C18orf54: variants seen among roughly 807,000 people sequenced by gnomAD.
The protein encoded by C18orf54 is lung adenoma susceptibility protein 2.
C18orf54 carries 49 observed loss-of-function variants against 49.3 expected under a neutral mutation model. The observed-to-expected ratio is 0.99, with a 90% CI of 0.79 to 1.26. C18orf54 has a LOEUF of 1.26. Among genes scored for constraint, C18orf54 ranks in the 50% most tolerant of loss-of-function variants. The probability of loss-of-function intolerance (pLI) is 0.00; values close to 1 mark genes in which losing one functional copy is unlikely to be tolerated. For synonymous variants in C18orf54, 211 were observed against 216.6 expected (o/e 0.97, Z 0.23); for missense variants, 687 against 620.6 (o/e 1.11, Z -1.14).
At position 54,378,286 on chromosome 18, in the gene C18orf54, C is replaced by A; in HGVS notation, c.*40C>A. 1.3e-6 allele frequency: 2 copies of A among 1,539,098 alleles called. No individual in the cohort carries two copies. Among genetic ancestry groups the A allele is most frequent in the Non-Finnish European group, 9.0e-7 (1 of 1,114,994 alleles). ...CTGTCACCACAATGAATAGTCACCA[C>A]AGAACAAATAGGCATTTTTTCTATT... is the stretch of plus-strand genomic sequence containing the variant. On this transcript the variant is annotated 3_prime_UTR_variant, in exon 9 of 9. Coordinates refer to ENST00000620105, the MANE Select transcript of C18orf54 (RefSeq NM_001288980.2).
In C18orf54 at chr18:54,372,536, A is replaced by C; in HGVS notation, c.1397A>C (p.Gln466Pro). Residue 466 changes from glutamine to proline, a missense_variant, in exon 7 of 9, where the codon CAA becomes CCA. Physicochemically the swap from Gln to Pro is moderately conservative, Grantham distance 76 (BLOSUM62 -1). Transcript: ENST00000620105. Reference protein sequence around the residue: ...EALKQMLFNLQAVQERFNQNK... With the variant: ...EALKQMLFNLPAVQERFNQNK... ...CTGAAACAAATGTTATTTAACCTTC[A>C]AGCAGTACAAGAACGTTTTAATCAA... 6.2e-6 allele frequency: 10 copies of C among 1,611,396 alleles called. No homozygotes were observed. The highest frequency in any genetic ancestry group is 8.5e-6 in the Non-Finnish European group (10 of 1,178,136).
rs1466654172 is a variant in C18orf54, at chr18:54,374,121, A to G, written c.1459-93A>G. 5.7e-6 allele frequency: 6 copies of G among 1,044,886 alleles called. No homozygotes were observed. In the Admixed American group the frequency reaches 9.9e-5, roughly 17 times the overall value. 64.7% of individuals were successfully genotyped at this position (1,044,886 alleles called of 1,614,324 possible). On this transcript the variant is annotated intron_variant, in intron 7 of 8. Coordinates refer to ENST00000620105, the MANE Select transcript of C18orf54 (RefSeq NM_001288980.2). ...AGAATTGTTTGGAAATGTAGAAAATATTTTTTAATGTTTTAATCACATTTT... is the reference window on the plus strand; with the variant it reads ...AGAATTGTTTGGAAATGTAGAAAATGTTTTTTAATGTTTTAATCACATTTT...
intron 3 of C18orf54, among the ~76,000 whole-genome samples, chr18:54,361,313 T>C (rs1460815495): frequency 6.6e-6 from 1 of 152,216 alleles, no homozygotes; most frequent in Non-Finnish European, 1.5e-5. Context: ...TTTTCTATGC[T>C]GCAACCAATA....
Position 54,361,778 on chromosome 18 carries a change from C to T in C18orf54, c.419C>T (p.Thr140Ile), listed in dbSNP as rs774168794. Residue 140 changes from threonine to isoleucine, a missense_variant, in exon 4 of 9, where the codon ACT (threonine) becomes ATT (isoleucine). Physicochemically the swap from Thr to Ile is moderately conservative, Grantham distance 89. Transcript: ENST00000620105. Reference protein sequence around the residue: ...RLPADGSFSYTYVGPSHRTSK... With the variant: ...RLPADGSFSYIYVGPSHRTSK... ...CCAGCAGATGGATCATTTTCTTATA[C>T]TTATGTTGGACCGAGTCACCGAACG... The T allele has an allele frequency of 1.2e-6, 2 of 1,614,034 alleles. No individual in the cohort carries two copies. Among genetic ancestry groups the T allele is most frequent in the East Asian group, 2.2e-5 (1 of 44,876 alleles).
At chr18:54,370,512 G>A (rs1485142176) in intron 6 of C18orf54, among the ~76,000 whole-genome samples, 1 of 152,080 alleles carries the variant, frequency 6.6e-6, no homozygotes, top group African/African-American at 2.4e-5. Context: ...TATATATTGG[G>A]TTGTCCTCTT....
chr18:54,363,129 G>A (rs559270351), intron 5 of C18orf54, among the ~76,000 whole-genome samples: 3 of 152,190 alleles, frequency 2.0e-5, no homozygotes, highest in African/African-American at 4.8e-5. Flanking sequence ...TATAACATCT[G>A]TCTTTGTTAC....
Position 54,362,025 on chromosome 18 carries a change from A to G in C18orf54, c.666A>G (p.Lys222=). ...ISESSLSFPK[K]SSFKDSSEHS... is the part of the protein sequence containing the mutation. Reference sequence around the variant, plus strand: ...AATCATCTTTGTCTTTTCCCAAGAAATCGTCTTTCAAGGACAGTTCAGAAC... The same window carrying G: ...AATCATCTTTGTCTTTTCCCAAGAAGTCGTCTTTCAAGGACAGTTCAGAAC... Residue 222 remains lysine, a synonymous_variant, in exon 4 of 9, where the codon AAA becomes AAG. Transcript: ENST00000620105. 1 of 1,594,358 alleles carries G rather than the reference A, an allele frequency of 6.3e-7. No homozygotes were observed.
chr18:54,359,986 T>G (rs762372111), intron 2 of C18orf54, among the ~76,000 whole-genome samples: 96 of 152,220 alleles, frequency 6.3e-4, no homozygotes, highest in Non-Finnish European at 1.2e-3. Context: ...AGACCTGCAG[T>G]TTATTTACAG....
intron 1 of C18orf54, 92 bp downstream of exon 1, chr18:54,358,167 C>G (rs997655063): frequency 5.3e-5 from 8 of 152,240 alleles, no homozygotes; most frequent in Admixed American, 5.2e-4. Context: ...CGAGGGTTGT[C>G]CCATCCTGTG....
intron 6 of C18orf54, among the ~76,000 whole-genome samples, chr18:54,369,488 T>TTTG (rs1491008273): frequency 2.1e-5 from 1 of 48,254 alleles, no homozygotes; most frequent in Non-Finnish European, 4.1e-5. Flanking sequence ...TTTTTTTTTT[T>TTTG]GGAGACAGTC....
rs2089608935 is a variant in C18orf54, at chr18:54,378,226, G to A, written c.1582G>A (p.Glu528Lys). Residue 528 changes from glutamate (E) to lysine (K), a missense_variant, in exon 9 of 9, where the codon GAA (glutamate) becomes AAA (lysine). Coordinates refer to ENST00000620105, the MANE Select transcript of C18orf54 (RefSeq NM_001288980.2). ...LRDLVDDTNG[E>K]RSPKM is the part of the protein sequence containing the mutation. ...AGACCTGGTTGATGATACGAATGGA[G>A]AACGGTCACCGAAAATGTGAAGAGG... 6.2e-7 allele frequency: 1 copy of A among 1,613,414 alleles called. No homozygotes were observed. The highest frequency in any genetic ancestry group is 1.7e-5 in the Admixed American group (1 of 59,974).
chr18:54,370,125 A>G (rs1468411665), intron 6 of C18orf54, among the ~76,000 whole-genome samples: 4 of 152,090 alleles, frequency 2.6e-5, no homozygotes, highest in Non-Finnish European at 5.9e-5. Flanking sequence ...AAAATATAAA[A>G]AATGAGCCGG....
intron 6 of C18orf54, 24 bp downstream of exon 6, chr18:54,365,845 A>G (rs2089371549): frequency 2.1e-6 from 3 of 1,410,186 alleles, no homozygotes; most frequent in African/African-American, 1.4e-5. Context: ...AAAGTTTTAA[A>G]ACTTATTTAA....
chr18:54,370,082 C>T (rs555430154), intron 6 of C18orf54, among the ~76,000 whole-genome samples: 1 of 152,102 alleles, frequency 6.6e-6, no homozygotes, highest in South Asian at 2.1e-4. Context: ...CGAGACCATC[C>T]TGGCTAACAC....
intron 3 of C18orf54, 66 bp from the exon 4 acceptor site, chr18:54,361,577 C>G: frequency 7.5e-7 from 1 of 1,340,310 alleles, no homozygotes; most frequent in Non-Finnish European, 1.0e-6. Flanking sequence ...ATTCTTAATT[C>G]TCATTTACTG....
At chr18:54,363,785 T>C (rs532361585) in intron 5 of C18orf54, 4 of 150,344 alleles carry the variant, frequency 2.7e-5, no homozygotes, top group Admixed American at 6.7e-5. Context: ...CATTCTGTTA[T>C]AGACAGAGTC....
At position 54,364,798 on chromosome 18, in the gene C18orf54, A is replaced by G. The variant is rs117460350; in HGVS notation, c.1224-921A>G. 3.4e-3 allele frequency among the ~76,000 whole-genome samples: 510 copies of G among 152,186 alleles called. 2 individuals are homozygous for G. Among genetic ancestry groups the G allele is most frequent in the Non-Finnish European group, 6.5e-3 (444 of 67,904 alleles). On this transcript the variant is annotated intron_variant, in intron 5 of 8. Transcript: ENST00000620105. ...GGAAAGGACTACCTGATAGTATGAAAGAGCTTGTGAATTAGAAATCAAATA... is the reference window on the plus strand; with the variant it reads ...GGAAAGGACTACCTGATAGTATGAAGGAGCTTGTGAATTAGAAATCAAATA...
At chr18:54,372,151 TCATTTA>T (rs1488554749) in intron 6 of C18orf54, among the ~76,000 whole-genome samples, 39 of 152,040 alleles carry the variant, frequency 2.6e-4, no homozygotes, top group Admixed American at 9.8e-4. Flanking sequence ...ACCTTTCATT[TCATTTA>T]CAATTTGTGA....
chr18:54,362,005 T>G lies in C18orf54; in HGVS notation c.646T>G (p.Ser216Ala). 6.2e-7 allele frequency: 1 copy of G among 1,609,156 alleles called. No homozygotes were observed. Among genetic ancestry groups the G allele is most frequent in the South Asian group, 1.1e-5 (1 of 90,460 alleles). The change falls in exon 4 of 9, where the codon TCT (serine) becomes GCT (alanine). Residue 216 changes from serine (S) to alanine (A), a missense_variant. Ser to Ala is a moderately conservative substitution (Grantham distance 99). Coordinates refer to ENST00000620105, the MANE Select transcript of C18orf54 (RefSeq NM_001288980.2). The part of the protein sequence containing the change: ...NRTNNCISES[S>A]LSFPKKSSFK... Reference sequence around the variant, plus strand: ...GACTAATAATTGCATTTCTGAATCATCTTTGTCTTTTCCCAAGAAATCGTC... The same window carrying G: ...GACTAATAATTGCATTTCTGAATCAGCTTTGTCTTTTCCCAAGAAATCGTC...
Sources: gnomAD v4.1 joint callset for allele counts (sites outside exome capture counted in the v4.1 genomes callset) on GRCh38, gnomAD v4.1.1 for gene constraint, MANE v1.5 for transcripts, NCBI Gene and HGNC (gene_info 2026-07-23, HGNC 2026-07-21) for gene names.